MROH9: variants seen among roughly 807,000 people sequenced by gnomAD.
The protein encoded by MROH9 is maestro heat like repeat family member 9.
In MROH9, 92 loss-of-function variants were observed where a neutral mutation model predicts 98.2. The ratio of observed to expected loss-of-function variants is 0.94; its 90% CI spans 0.79 to 1.11. The LOEUF (loss-of-function observed/expected upper bound fraction) is 1.11, where lower values mean the gene tolerates loss of function less well. MROH9 is among the 50% of genes most tolerant of loss of function. MROH9 has a pLI of 0.00. For synonymous variants in MROH9, 397 were observed against 368.9 expected (o/e 1.08, Z -0.87); for missense variants, 1,057 against 1,014.8 (o/e 1.04, Z -0.57).
At chr1:171,030,032 A>G (rs1412790803) in intron 20 of MROH9, among the ~76,000 whole-genome samples, 2 of 152,110 alleles carry the variant, frequency 1.3e-5, no homozygotes, top group Non-Finnish European at 2.9e-5. Context: ...GGGAGTGTGT[A>G]TGTGTCCAGG....
At chr1:170,945,377 A>C (rs761218111) in intron 1 of MROH9, 143 bp from the exon 2 acceptor site, 18 of 598,308 alleles carry the variant, frequency 3.0e-5, no homozygotes, top group Non-Finnish European at 4.8e-5. Flanking sequence ...TAAGCCTTTA[A>C]ATTTGTGATA....
At chr1:170,964,139 C>T (rs1557876018) in intron 6 of MROH9, among the ~76,000 whole-genome samples, 1 of 151,880 alleles carries the variant, frequency 6.6e-6, no homozygotes, top group Non-Finnish European at 1.5e-5. Flanking sequence ...TAACATAATT[C>T]CATGAGGAGG....
chr1:170,936,272 C>T (rs1648879097), intron 1 of MROH9, among the ~76,000 whole-genome samples: 1 of 152,108 alleles, frequency 6.6e-6, no homozygotes, highest in Non-Finnish European at 1.5e-5. Context: ...TCCAATGGTG[C>T]AGTTTGAAGG....
intron 6 of MROH9, among the ~76,000 whole-genome samples, chr1:170,962,447 A>G (rs1346650569): frequency 2.0e-5 from 3 of 152,132 alleles, no homozygotes; most frequent in Non-Finnish European, 4.4e-5. Context: ...CCTATTTTTC[A>G]CAACTGAGAC....
chr1:171,041,260 T>TCACTG (rs1041155807), intron 20 of MROH9, among the ~76,000 whole-genome samples: 7 of 151,430 alleles, frequency 4.6e-5, no homozygotes, highest in African/African-American at 1.5e-4. Flanking sequence ...CTGAGTAATT[T>TCACTG]CACTGAGGCT....
intron 17 of MROH9, among the ~76,000 whole-genome samples, chr1:171,022,998 C>G (rs1395710103): frequency 6.6e-6 from 1 of 152,112 alleles, no homozygotes; most frequent in Admixed American, 6.5e-5. Flanking sequence ...ATAAACATTT[C>G]CTTAAAACCA....
At chr1:170,950,672 T>A (rs1649516356) in intron 3 of MROH9, among the ~76,000 whole-genome samples, 1 of 152,160 alleles carries the variant, frequency 6.6e-6, no homozygotes, top group African/African-American at 2.4e-5. Context: ...TGCACATGCA[T>A]GTGTATTACC....
rs115248562 is a variant in MROH9, at chr1:170,999,628, C to T, written c.1596+1354C>T. Among the ~76,000 whole-genome samples the T allele has an allele frequency of 4.6e-3, 701 of 152,204 alleles. 4 individuals carry two copies. The highest frequency in any genetic ancestry group is 0.016 in the African/African-American group (662 of 41,536). On this transcript the variant is annotated intron_variant, in intron 15 of 21. Transcript: ENST00000367759. ...GATTTTCAAATTGGGAATTGTGCTG[C>T]TATAAATATGTGTGTGAAAGTTTCT...
intron 20 of MROH9, among the ~76,000 whole-genome samples, chr1:171,031,558 A>G (rs1001954589): frequency 3.3e-5 from 5 of 152,140 alleles, no homozygotes; most frequent in Non-Finnish European, 7.3e-5. Context: ...GCTGGATATG[A>G]AATTCTGGGT....
At chr1:170,961,503 CA>C (rs1463780393) in intron 5 of MROH9, among the ~76,000 whole-genome samples, 1 of 152,100 alleles carries the variant, frequency 6.6e-6, no homozygotes, top group Non-Finnish European at 1.5e-5. Flanking sequence ...TGAGGAAATG[CA>C]GCATTCATAA....
chr1:170,938,061 G>C (rs1327074859), intron 1 of MROH9, among the ~76,000 whole-genome samples: 3 of 152,112 alleles, frequency 2.0e-5, no homozygotes, highest in African/African-American at 7.2e-5. Context: ...ACTCTTCCTT[G>C]CCTCCATTAT....
chr1:171,035,222 T>C (rs1342929564), intron 20 of MROH9, among the ~76,000 whole-genome samples: 1 of 151,778 alleles, frequency 6.6e-6, no homozygotes, highest in Non-Finnish European at 1.5e-5. Context: ...ATATATTAAT[T>C]ATAATAACTT....
At chr1:171,063,267 T>TG (rs1294637754) in intron 21 of MROH9, among the ~76,000 whole-genome samples, 1 of 150,452 alleles carries the variant, frequency 6.6e-6, no homozygotes, top group East Asian at 1.9e-4. Context: ...TTTTTTTTTT[T>TG]TTTTGAGACG....
At chr1:171,007,616 G>A (rs1358363958) in intron 15 of MROH9, among the ~76,000 whole-genome samples, 5 of 152,120 alleles carry the variant, frequency 3.3e-5, no homozygotes, top group South Asian at 4.1e-4. Flanking sequence ...GGACCTTTCC[G>A]GGATCTGCTG....
rs539726633 is a variant in MROH9, at chr1:171,024,354, G to T, written c.1909-41G>T. 5 of 1,500,256 alleles carry T rather than the reference G, an allele frequency of 3.3e-6. No homozygotes were observed. In the African/African-American group the frequency reaches 5.6e-5, roughly 17 times the overall value. The allele number at this position is 1,500,256 out of a possible 1,614,324, so 92.9% of individuals were successfully genotyped here. A position where few individuals can be genotyped will look rare whatever the true frequency, so the allele number is the denominator to read the frequency against. On this transcript the variant is annotated intron_variant, in intron 17 of 21. Coordinates refer to ENST00000367759, the MANE Select transcript of MROH9 (RefSeq NM_001163629.2). ...TGTAGATTACTGATTGAAGAAAAAA[G>T]CCCTAATATTATCCTCAAATAAGGC... is the stretch of plus-strand genomic sequence containing the variant.
Position 170,989,863 on chromosome 1 carries a change from G to A in MROH9, c.888G>A (p.Lys296=). ...FHAEKVTMVS[K]IVDAIYRQLC... ...TGGAATTTCTCTTCCAGGTGTCTAA[G>A]ATCGTGGATGCTATTTACAGGCAAC... is the stretch of plus-strand genomic sequence containing the variant. The change falls in exon 11 of 22, where the codon AAG becomes AAA. Residue 296 remains lysine, a synonymous_variant. Transcript: ENST00000367759. 1.2e-6 allele frequency: 2 copies of A among 1,601,802 alleles called. No homozygotes were observed. Among genetic ancestry groups the A allele is most frequent in the Non-Finnish European group, 1.7e-6 (2 of 1,170,794 alleles).
chr1:171,031,170 A>G (rs1652896684), intron 20 of MROH9, among the ~76,000 whole-genome samples: 2 of 152,016 alleles, frequency 1.3e-5, no homozygotes, highest in African/African-American at 4.8e-5. Flanking sequence ...TTTTGAGCCT[A>G]TGTGTGTCTT....
At chr1:170,958,105 G>A (rs576268959) in intron 3 of MROH9, among the ~76,000 whole-genome samples, 2 of 151,932 alleles carry the variant, frequency 1.3e-5, no homozygotes, top group South Asian at 2.1e-4. Flanking sequence ...CACCACGCCC[G>A]GCGCTGCTGG....
At chr1:170,972,670 G>A (rs1413183594) in intron 8 of MROH9, among the ~76,000 whole-genome samples, 1 of 151,720 alleles carries the variant, frequency 6.6e-6, no homozygotes, top group Non-Finnish European at 1.5e-5. Context: ...AAATAAGCCG[G>A]GTGTGGTGGC....
Sources: gnomAD v4.1 joint callset for allele counts (sites outside exome capture counted in the v4.1 genomes callset) on GRCh38, gnomAD v4.1.1 for gene constraint, MANE v1.5 for transcripts, NCBI Gene and HGNC (gene_info 2026-07-23, HGNC 2026-07-21) for gene names.